The following BICC1 variants were observed in gnomAD, a reference collection of about 807,000 sequenced individuals.
BICC1 encodes the protein BicC family RNA binding protein 1.
BICC1 carries 43 observed loss-of-function variants against 111.0 expected under a neutral mutation model. That is an observed-to-expected ratio of 0.39 (90% CI 0.30 to 0.50). BICC1 has a LOEUF of 0.50. Ranked by LOEUF, BICC1 falls within the 20% of genes least tolerant of loss-of-function variation. The probability of loss-of-function intolerance (pLI) is 0.88; values close to 1 mark genes in which losing one functional copy is unlikely to be tolerated. For missense variants in BICC1, 1,091 were observed against 1,203.2 expected (o/e 0.91, Z 1.38); for synonymous variants, 467 against 434.4 (o/e 1.07, Z -0.93).
intron 16 of BICC1, 109 bp downstream of exon 16, chr10:58,806,732 T>C: frequency 9.5e-7 from 1 of 1,049,232 alleles, no homozygotes; most frequent in South Asian, 1.5e-5. Context: ...AAAAGAAACC[T>C]AGAATATTTG....
chr10:58,737,517 G>C (rs777349037), intron 3 of BICC1, among the ~76,000 whole-genome samples: 1 of 152,120 alleles, frequency 6.6e-6, no homozygotes, highest in Non-Finnish European at 1.5e-5. Flanking sequence ...ATTTGGGTTG[G>C]TTCCAAGTCT....
At chr10:58,584,586 C>A (rs1206949728) in intron 1 of BICC1, among the ~76,000 whole-genome samples, 2 of 152,106 alleles carry the variant, frequency 1.3e-5, no homozygotes, top group African/African-American at 4.8e-5. Context: ...GAGAATTTTC[C>A]TTTTCCTCAT....
chr10:58,529,676 G>A (rs765868575), intron 1 of BICC1, among the ~76,000 whole-genome samples: 1 of 151,650 alleles, frequency 6.6e-6, no homozygotes, highest in African/African-American at 2.4e-5. Flanking sequence ...TTTTTAATTA[G>A]AACTTTTTAT....
chr10:58,693,391 G>A (rs1003403526), intron 2 of BICC1, among the ~76,000 whole-genome samples: 12 of 152,120 alleles, frequency 7.9e-5, no homozygotes, highest in Non-Finnish European at 1.8e-4. Flanking sequence ...TGGGATGGCT[G>A]GGTCAAATGG....
intron 2 of BICC1, among the ~76,000 whole-genome samples, chr10:58,648,860 G>T (rs1196669143): frequency 1.3e-5 from 2 of 152,262 alleles, no homozygotes; most frequent in African/African-American, 2.4e-5. Flanking sequence ...GTAGGACCTT[G>T]CTTGTTATCC....
At chr10:58,795,899 G>T (rs866785657) in intron 9 of BICC1, among the ~76,000 whole-genome samples, 3 of 152,086 alleles carry the variant, frequency 2.0e-5, no homozygotes, top group Admixed American at 6.5e-5. Context: ...GTTTGATTTG[G>T]TATGTAATGA....
chr10:58,809,728 A>G (rs1843840616), intron 17 of BICC1, among the ~76,000 whole-genome samples: 1 of 152,242 alleles, frequency 6.6e-6, no homozygotes, highest in Admixed American at 6.5e-5. Flanking sequence ...TTATGTGAAC[A>G]CATAAGAATT....
Position 58,820,460 on chromosome 10 carries a change from C to T in BICC1, c.2786C>T (p.Ala929Val). ...GGTGCCAGGAGGAAAATGCTGCTTG[C>T]AATTTCAGGTGAATATAAATATTCA... ...TFGARRKMLL[A>V]ISELNKNRRK... is the part of the protein sequence containing the mutation. Residue 929 changes from alanine (A) to valine (V), a missense_variant, in exon 20 of 21, where the codon GCA (alanine) becomes GTA (valine). This residue lies in a region of BICC1 where 231 missense variants were observed against 256.2 expected (regional missense o/e 0.90). Coordinates refer to ENST00000373886, the MANE Select transcript of BICC1 (RefSeq NM_001080512.3). 1 of 1,602,190 alleles carries T rather than the reference C, an allele frequency of 6.2e-7. No homozygotes were observed. The highest frequency in any genetic ancestry group is 2.2e-5 in the East Asian group (1 of 44,758).
chr10:58,693,338 T>C (rs1376893788), intron 2 of BICC1, among the ~76,000 whole-genome samples: 4 of 152,228 alleles, frequency 2.6e-5, no homozygotes, highest in African/African-American at 9.7e-5. Flanking sequence ...CATGTGTCTT[T>C]ATAGCAGCAT....
At chr10:58,589,472 T>C (rs925688775) in intron 1 of BICC1, among the ~76,000 whole-genome samples, 21 of 151,928 alleles carry the variant, frequency 1.4e-4, no homozygotes, top group African/African-American at 4.3e-4. Context: ...TTTTTTTTTT[T>C]TTAGTTTTTA....
chr10:58,685,217 G>A (rs1316548670), intron 2 of BICC1, among the ~76,000 whole-genome samples: 1 of 152,168 alleles, frequency 6.6e-6, no homozygotes, highest in African/African-American at 2.4e-5. Context: ...TAGTTTGATT[G>A]CACTGTGGTC....
intron 1 of BICC1, among the ~76,000 whole-genome samples, chr10:58,613,033 A>C (rs1845483967): frequency 6.6e-6 from 1 of 152,180 alleles, no homozygotes; most frequent in Non-Finnish European, 1.5e-5. Flanking sequence ...GCCATCCCAT[A>C]TTTCTTGTGA....
chr10:58,715,986 C>T (rs1362125102), intron 3 of BICC1: 1 of 1,401,118 alleles, frequency 7.1e-7, no homozygotes, highest in African/African-American at 1.4e-5. Context: ...CTTCTGAAAG[C>T]TCCATGTCAG....
chr10:58,644,492 TC>T (rs1292023723), intron 2 of BICC1, among the ~76,000 whole-genome samples: 14 of 152,122 alleles, frequency 9.2e-5, no homozygotes. Flanking sequence ...ACTCCACCCG[TC>T]CCCGTGCCTG....
intron 2 of BICC1, among the ~76,000 whole-genome samples, chr10:58,638,964 CAAAT>C (rs1002946091): frequency 7.1e-6 from 1 of 140,684 alleles, no homozygotes; most frequent in Non-Finnish European, 1.5e-5. Flanking sequence ...TTGCAGTTGA[CAAAT>C]AAAAATTGTA....
chr10:58,632,348 C>T (rs2132177225), intron 2 of BICC1, among the ~76,000 whole-genome samples: 1 of 152,282 alleles, frequency 6.6e-6, no homozygotes, highest in Non-Finnish European at 1.5e-5. Context: ...TATTGCCCTC[C>T]CTCTGAGCCA....
At chr10:58,721,062 T>A (rs1234001156) in intron 3 of BICC1, among the ~76,000 whole-genome samples, 2 of 152,362 alleles carry the variant, frequency 1.3e-5, no homozygotes, top group East Asian at 3.9e-4. Context: ...TTACTCTTGC[T>A]GCAGAGCAGC....
At chr10:58,671,332 A>G (rs1839177416) in intron 2 of BICC1, among the ~76,000 whole-genome samples, 1 of 152,150 alleles carries the variant, frequency 6.6e-6, no homozygotes, top group Admixed American at 6.6e-5. Flanking sequence ...GACCTCAGTA[A>G]CCCAAGATTC....
At chr10:58,737,315 T>C (rs1380031378) in intron 3 of BICC1, among the ~76,000 whole-genome samples, 3 of 152,168 alleles carry the variant, frequency 2.0e-5, no homozygotes, top group Non-Finnish European at 4.4e-5. Context: ...GTTCTCATTG[T>C]TCAATCCCCA....
Sources: allele counts gnomAD v4.1 joint callset (sites outside exome capture counted in the v4.1 genomes callset), GRCh38; gene constraint gnomAD v4.1.1; regional missense constraint gnomAD v4.1.1; transcripts MANE v1.5; gene names NCBI Gene and HGNC (gene_info 2026-07-23, HGNC 2026-07-21).